The following ARHGEF19 variants were observed in gnomAD, a reference collection of about 807,000 sequenced individuals.
ARHGEF19 encodes Rho guanine nucleotide exchange factor 19.
A neutral mutation model predicts 87.6 loss-of-function variants in ARHGEF19; 92 were observed. That is an observed-to-expected ratio of 1.05 (90% confidence interval 0.89 to 1.25). ARHGEF19 has a LOEUF of 1.25. ARHGEF19 is among the 50% of genes most tolerant of loss of function. The pLI, the probability that ARHGEF19 is intolerant of heterozygous loss-of-function variation, is 0.00. For synonymous variants in ARHGEF19, 438 were observed against 446.2 expected, an observed-to-expected ratio of 0.98 and a Z score of 0.23; for missense variants, 1,054 against 1,051.8, an observed-to-expected ratio of 1.00 and a Z score of -0.03.
rs747799963 is a variant in ARHGEF19, at chr1:16,209,021, G to A, written c.34C>T (p.His12Tyr). 8 of 1,499,942 alleles carry A rather than the reference G, an allele frequency of 5.3e-6. No individual in the cohort carries two copies. In the African/African-American group the frequency reaches 9.9e-5, roughly 18 times the overall value. 92.9% of individuals were successfully genotyped at this position (1,499,942 alleles called of 1,614,324 possible). ...DCGPPATLQP[H>Y]LTGPPGTAHH... ...GCAGTGCCAGGTGGCCCAGTCAGGT[G>A]GGGCTGGAGGGTAGCAGGTGGCCCA... is the stretch of plus-strand genomic sequence containing the variant. Residue 12 changes from histidine to tyrosine, a missense_variant, in exon 2 of 16, where the codon CAC (histidine) becomes TAC (tyrosine). Physicochemically the swap from His to Tyr is moderately conservative, Grantham distance 83. Coordinates refer to ENST00000270747, the MANE Select transcript of ARHGEF19 (RefSeq NM_153213.5).
rs1179027578 is a variant in ARHGEF19, at chr1:16,205,631, G to A, written c.1488C>T (p.Arg496=). ...GCTGGCACACAGGAGACTCCTCCAG[G>A]CGAGCCAGGATGCCAGGGAACCTGG... ...ENPRFPGILA[R]LEESPVCQRL... Residue 496 remains arginine, a synonymous_variant, in exon 9 of 16, where the codon CGC becomes CGT. Coordinates refer to ENST00000270747, the MANE Select transcript of ARHGEF19 (RefSeq NM_153213.5). The surrounding 1 kb of genome is among the most constrained non-coding windows in gnomAD (Gnocchi z 5.8). The A allele has an allele frequency of 1.9e-6, 3 of 1,613,026 alleles. No individual in the cohort carries two copies. Among genetic ancestry groups the A allele is most frequent in the African/African-American group, 2.7e-5 (2 of 74,876 alleles).
intron 12 of ARHGEF19, among the ~76,000 whole-genome samples, chr1:16,203,970 G>C (rs1337726153): frequency 6.6e-6 from 1 of 152,234 alleles, no homozygotes; most frequent in Non-Finnish European, 1.5e-5. Context: ...CAGAGATTCA[G>C]TGACTGTTTA....
Position 16,207,171 on chromosome 1 carries a change from C to T in ARHGEF19, c.914G>A (p.Arg305His). The T allele has an allele frequency of 1.3e-6, 2 of 1,530,164 alleles. No homozygotes were observed. Among genetic ancestry groups the T allele is most frequent in the Admixed American group, 2.0e-5 (1 of 49,524 alleles). The allele number at this position is 1,530,164 out of a possible 1,614,324, so 94.8% of individuals were successfully genotyped here. The change falls in exon 6 of 16, where the codon CGC becomes CAC. Residue 305 changes from arginine (R) to histidine (H), a missense_variant. Transcript: ENST00000270747. This position sits in a 1 kb window ranked among gnomAD's most constrained non-coding sequence, Gnocchi z 4.0. ...YQEYSDVASA[R>H]ELRRQQREEE... ...CTCGCGCTGCTGCCGCCGCAGTTCG[C>T]GGGCGCTGGCCACGTCGCTGTATTC...
Position 16,205,955 on chromosome 1 carries a change from T to C in ARHGEF19, c.1427A>G (p.Gln476Arg). 1.2e-6 allele frequency: 2 copies of C among 1,610,910 alleles called. No homozygotes were observed. Among genetic ancestry groups the C allele is most frequent in the Non-Finnish European group, 1.7e-6 (2 of 1,178,670 alleles). Residue 476 changes from glutamine to arginine, a missense_variant, in exon 8 of 16, where the codon CAG becomes CGG. Physicochemically the swap from Gln to Arg is conservative, Grantham distance 43. Coordinates refer to ENST00000270747, the MANE Select transcript of ARHGEF19 (RefSeq NM_153213.5). This position sits in a 1 kb window ranked among gnomAD's most constrained non-coding sequence, Gnocchi z 5.8. ...CAGCAGGCGCTGGTAGGTGCGCTCC[T>C]GGTAGGCCTGGTTGGTGACATAGGG... ...YLPYVTNQAY[Q>R]ERTYQRLLLE...
rs1304154932 is a variant in ARHGEF19 at position 16,208,665 on chromosome 1, G to A, written c.390C>T (p.His130=). Residue 130 remains histidine, a synonymous_variant, in exon 2 of 16, where the codon CAC becomes CAT. Coordinates refer to ENST00000270747, the MANE Select transcript of ARHGEF19 (RefSeq NM_153213.5). ...RHTQPQRRAS[H]GSEKKSAWRK... is the part of the protein sequence containing the mutation. ...CACAGGCAGACTTCTTCTCCGAGCCGTGGCTGGCCCGGCGCTGTGGCTGTG... is the reference window on the plus strand; with the variant it reads ...CACAGGCAGACTTCTTCTCCGAGCCATGGCTGGCCCGGCGCTGTGGCTGTG... 1 of 1,605,144 alleles carries A rather than the reference G, an allele frequency of 6.2e-7. No individual in the cohort carries two copies. Among genetic ancestry groups the A allele is most frequent in the Non-Finnish European group, 8.5e-7 (1 of 1,177,320 alleles).
Position 16,207,518 on chromosome 1 carries a change from G to GTACA in ARHGEF19, c.874_874+3dup. ...CTCCTCCCAGGGACCCCCCTCCCACGTACAGTTAAGGAGGAATCGAGACTG... is the reference window on the plus strand; with the variant it reads ...CTCCTCCCAGGGACCCCCCTCCCACGTACATACAGTTAAGGAGGAATCGAGACTG... On this transcript the variant is annotated splice_donor_region_variant and intron_variant, in intron 5 of 15. Transcript: ENST00000270747. This position sits in a 1 kb window ranked among gnomAD's most constrained non-coding sequence, Gnocchi z 4.0. 6.2e-7 allele frequency: 1 copy of GTACA among 1,613,608 alleles called. No homozygotes were observed. The highest frequency in any genetic ancestry group is 8.5e-7 in the Non-Finnish European group (1 of 1,179,832).
intron 12 of ARHGEF19, 92 bp from the exon 13 acceptor site, chr1:16,202,666 G>A: frequency 6.6e-7 from 1 of 1,508,272 alleles, no homozygotes; most frequent in Non-Finnish European, 9.0e-7. Flanking sequence ...CTGGAAGTGG[G>A]GAGAAGGGGT....
chr1:16,206,045 A>C lies in ARHGEF19; in HGVS notation c.1337T>G (p.Val446Gly), dbSNP rs2081130320. 1 of 1,589,796 alleles carries C rather than the reference A, an allele frequency of 6.3e-7. No homozygotes were observed. The highest frequency in any genetic ancestry group is 8.6e-7 in the Non-Finnish European group (1 of 1,168,270). ...QDLEQRLEAD[V>G]LRFSVCDVVL... The stretch of plus-strand genomic sequence containing the variant: ...CACGTCGCACACGCTGAAGCGCAGC[A>C]CATCTGCCTCCAGCCGCTGCTCCAG... Residue 446 changes from valine (V) to glycine (G), a missense_variant, in exon 8 of 16, where the codon GTG becomes GGG. Val to Gly is a moderately radical substitution (Grantham distance 109, BLOSUM62 -3). Transcript: ENST00000270747. The surrounding 1 kb of genome is among the most constrained non-coding windows in gnomAD (Gnocchi z 4.6).
Position 16,207,847 on chromosome 1 carries a change from A to T in ARHGEF19, c.695-70T>A. 1 of 1,584,830 alleles carries T rather than the reference A, an allele frequency of 6.3e-7. No homozygotes were observed. Among genetic ancestry groups the T allele is most frequent in the Non-Finnish European group, 8.6e-7 (1 of 1,166,748 alleles). On this transcript the variant is annotated intron_variant, in intron 3 of 15. Coordinates refer to ENST00000270747, the MANE Select transcript of ARHGEF19 (RefSeq NM_153213.5). This position sits in a 1 kb window ranked among gnomAD's most constrained non-coding sequence, Gnocchi z 4.0. ...CTGGGGCCTGGGCCCCGGCCCAGGC[A>T]CCCTGACGGCCTCAGGCGGCCGGTG...
In ARHGEF19 at chr1:16,205,126, T is replaced by A; in HGVS notation, c.1707A>T (p.Glu569Asp). 1 of 1,606,252 alleles carries A rather than the reference T, an allele frequency of 6.2e-7. No homozygotes were observed. Among genetic ancestry groups the A allele is most frequent in the Non-Finnish European group, 8.5e-7 (1 of 1,176,458 alleles). ...GGATCTTCTTGCTCAGGTGGATGAG[T>A]TCCTCTGTCCTCTTCATGGACTGTA... Reference protein sequence around the residue: ...ASVQSMKRTEELIHLSKKIHF... With the variant: ...ASVQSMKRTEDLIHLSKKIHF... Residue 569 changes from glutamate (E) to aspartate (D), a missense_variant, in exon 11 of 16, where the codon GAA becomes GAT. By Grantham distance (45) the Glu-to-Asp change is conservative. Coordinates refer to ENST00000270747, the MANE Select transcript of ARHGEF19 (RefSeq NM_153213.5). The surrounding 1 kb of genome is among the most constrained non-coding windows in gnomAD (Gnocchi z 5.8).
chr1:16,205,835 C>G lies in ARHGEF19; in HGVS notation c.1451+96G>C. 6.6e-7 allele frequency: 1 copy of G among 1,505,108 alleles called. No homozygotes were observed. Among genetic ancestry groups the G allele is most frequent in the South Asian group, 1.3e-5 (1 of 78,280 alleles). The allele number at this position is 1,505,108 out of a possible 1,614,324, so 93.2% of individuals were successfully genotyped here. On this transcript the variant is annotated intron_variant, in intron 8 of 15. Transcript: ENST00000270747. This position sits in a 1 kb window ranked among gnomAD's most constrained non-coding sequence, Gnocchi z 5.8. ...CAGAGACCTTTTCAGGGACCCCTCCCCTCCCAGAGTCACCTTACGTCACCC... is the reference window on the plus strand; with the variant it reads ...CAGAGACCTTTTCAGGGACCCCTCCGCTCCCAGAGTCACCTTACGTCACCC...
Position 16,198,815 on chromosome 1 carries a change from A to G in ARHGEF19, c.2252-71T>C, listed in dbSNP as rs2081060569. On this transcript the variant is annotated intron_variant, in intron 15 of 15. Coordinates refer to ENST00000270747, the MANE Select transcript of ARHGEF19 (RefSeq NM_153213.5). The surrounding 1 kb of genome is among the most constrained non-coding windows in gnomAD (Gnocchi z 4.1). Reference sequence around the variant, plus strand: ...GGCCAGGCCTGGAAGGGAACACCACAGCCCTGATGCAAGCTTTGTCTGCAC... The same window carrying G: ...GGCCAGGCCTGGAAGGGAACACCACGGCCCTGATGCAAGCTTTGTCTGCAC... The G allele has an allele frequency of 3.3e-6, 5 of 1,512,828 alleles. No homozygotes were observed. The highest frequency in any genetic ancestry group is 2.8e-5 in the African/African-American group (2 of 71,700). 93.7% of individuals were successfully genotyped at this position (1,512,828 alleles called of 1,614,324 possible).
chr1:16,206,347 G>C lies in ARHGEF19; in HGVS notation c.1138-7C>G. The stretch of plus-strand genomic sequence containing the variant: ...TGATCAGCTCAAACTTGGCCTGAGG[G>C]AGGGCACACACGGGGTCGAAAGGGC... On this transcript the variant is annotated splice_region_variant and splice_polypyrimidine_tract_variant and intron_variant, in intron 6 of 15. Coordinates refer to ENST00000270747, the MANE Select transcript of ARHGEF19 (RefSeq NM_153213.5). This position sits in a 1 kb window ranked among gnomAD's most constrained non-coding sequence, Gnocchi z 4.6. 1.9e-6 allele frequency: 3 copies of C among 1,574,714 alleles called. No individual in the cohort carries two copies. In the South Asian group the frequency reaches 3.5e-5, roughly 18 times the overall value.
chr1:16,198,624 G>A lies in ARHGEF19; in HGVS notation c.2372C>T (p.Thr791Ile). ...LRNLRENKRV[T>I]SATSKLGEAP... ...CTCCCCCAGTTTGCTGGTGGCACTT[G>A]TGACTCGCTTATTCTCCCGGAGGTT... The change falls in exon 16 of 16, where the codon ACA becomes ATA. Residue 791 changes from threonine to isoleucine, a missense_variant. Coordinates refer to ENST00000270747, the MANE Select transcript of ARHGEF19 (RefSeq NM_153213.5). The surrounding 1 kb of genome is among the most constrained non-coding windows in gnomAD (Gnocchi z 4.1). The A allele has an allele frequency of 6.2e-7, 1 of 1,613,378 alleles. No homozygotes were observed. The highest frequency in any genetic ancestry group is 2.2e-5 in the East Asian group (1 of 44,888).
At chr1:16,209,598 G>A (rs1469463907) in intron 1 of ARHGEF19, among the ~76,000 whole-genome samples, 1 of 152,126 alleles carries the variant, frequency 6.6e-6, no homozygotes, top group Non-Finnish European at 1.5e-5. Flanking sequence ...TCAAACTCAG[G>A]CTCACACAGT....
At position 16,209,047 on chromosome 1, in the gene ARHGEF19, C is replaced by T; in HGVS notation, c.8G>A (p.Cys3Tyr). Reference sequence around the variant, plus strand: ...GGGCTGGAGGGTAGCAGGTGGCCCACAGTCCATTCCTCTTTTGCTCTGCCA... The same window carrying T: ...GGGCTGGAGGGTAGCAGGTGGCCCATAGTCCATTCCTCTTTTGCTCTGCCA... MD[C>Y]GPPATLQPHL... The change falls in exon 2 of 16, where the codon TGT becomes TAT. Residue 3 changes from cysteine to tyrosine, a missense_variant. Transcript: ENST00000270747. The T allele has an allele frequency of 6.7e-7, 1 of 1,481,712 alleles. No individual in the cohort carries two copies. The allele number at this position is 1,481,712 out of a possible 1,614,324, so 91.8% of individuals were successfully genotyped here. A position where few individuals can be genotyped will look rare whatever the true frequency, so the allele number is the denominator to read the frequency against.
chr1:16,204,128 A>T (rs2081104244), intron 12 of ARHGEF19, among the ~76,000 whole-genome samples: 1 of 152,188 alleles, frequency 6.6e-6, no homozygotes. Flanking sequence ...GGCCTCCCAA[A>T]GTGCTGGGAT....
chr1:16,207,669 TG>T lies in ARHGEF19; in HGVS notation c.797+5del. The T allele has an allele frequency of 3.7e-6, 6 of 1,613,848 alleles. No individual in the cohort carries two copies. Among genetic ancestry groups the T allele is most frequent in the Non-Finnish European group, 5.1e-6 (6 of 1,179,968 alleles). Reference sequence around the variant, plus strand: ...CTCGGACCCAAGCCCAAACGGGAGGTGGTACCTGGGCTCGGACCAATCGCCC... The same window carrying T: ...CTCGGACCCAAGCCCAAACGGGAGGTGTACCTGGGCTCGGACCAATCGCCC... On this transcript the variant is annotated splice_donor_5th_base_variant and intron_variant, in intron 4 of 15. Transcript: ENST00000270747. The surrounding 1 kb of genome is among the most constrained non-coding windows in gnomAD (Gnocchi z 4.0).
Position 16,201,640 on chromosome 1 carries a change from T to C in ARHGEF19, c.2146+142A>G, listed in dbSNP as rs189091557. 416 of 746,238 alleles carry C rather than the reference T, an allele frequency of 5.6e-4. 1 individual carries two copies. Among genetic ancestry groups the C allele is most frequent in the Non-Finnish European group, 7.9e-4 (371 of 471,660 alleles). 46.2% of individuals were successfully genotyped at this position (746,238 alleles called of 1,614,324 possible). On this transcript the variant is annotated intron_variant, in intron 14 of 15. Coordinates refer to ENST00000270747, the MANE Select transcript of ARHGEF19 (RefSeq NM_153213.5). The stretch of plus-strand genomic sequence containing the variant: ...TGTAAGTTCTGCCCAGCCTTCAAGG[T>C]TCCTCAGAGCTACCCCTGACTGCCC...
Sources: allele counts gnomAD v4.1 joint callset (sites outside exome capture counted in the v4.1 genomes callset), GRCh38; gene constraint gnomAD v4.1.1; non-coding constraint Gnocchi (gnomAD v3.1); transcripts MANE v1.5; gene names NCBI Gene and HGNC (gene_info 2026-07-23, HGNC 2026-07-21).